The following ACAP1 variants were observed in gnomAD, a reference collection of about 807,000 sequenced individuals.
ACAP1 encodes arf-GAP with coiled-coil, ANK repeat and PH domain-containing protein 1.
In ACAP1, 45 loss-of-function variants were observed where a neutral mutation model predicts 98.8. The observed-to-expected ratio is 0.46, with a 90% CI of 0.36 to 0.58. The LOEUF (loss-of-function observed/expected upper bound fraction) is 0.58. Ranked by LOEUF, ACAP1 falls within the 20% of genes least tolerant of loss-of-function variation. The pLI is 0.00. For missense variants in ACAP1, 735 were observed against 971.4 expected (o/e 0.76, Z 3.24); for synonymous variants, 362 against 375.3 (o/e 0.96, Z 0.41).
In ACAP1 at chr17:7,348,130, A is replaced by C. The variant is rs1249673339; in HGVS notation, c.1417A>C (p.Met473Leu). The C allele has an allele frequency of 1.2e-6, 2 of 1,614,020 alleles. No individual in the cohort carries two copies. The highest frequency in any genetic ancestry group is 8.5e-7 in the Non-Finnish European group (1 of 1,179,934). The change falls in exon 16 of 22, where the codon ATG becomes CTG. Residue 473 changes from methionine (M) to leucine (L), a missense_variant. Coordinates refer to ENST00000158762, the MANE Select transcript of ACAP1 (RefSeq NM_014716.4). ...DSWEPELVKL[M>L]CELGNVIINQ... Reference sequence around the variant, plus strand: ...CCTCTGCCTGGGCCTCCTGAAGCTCATGTGTGAGCTGGGAAATGTCATCAT... The same window carrying C: ...CCTCTGCCTGGGCCTCCTGAAGCTCCTGTGTGAGCTGGGAAATGTCATCAT...
At chr17:7,338,243 A>G (rs1380935946) in intron 2 of ACAP1, among the ~76,000 whole-genome samples, 8 of 151,980 alleles carry the variant, frequency 5.3e-5, no homozygotes, top group Admixed American at 1.3e-4. Context: ...CTCTACAAAT[A>G]ATAATTTTAT....
At position 7,342,434 on chromosome 17, in the gene ACAP1, C is replaced by A. The variant is rs770660851; in HGVS notation, c.304C>A (p.Gln102Lys). The A allele has an allele frequency of 2.6e-5, 42 of 1,614,070 alleles. No individual in the cohort carries two copies. Among genetic ancestry groups the A allele is most frequent in the African/African-American group, 4.0e-5 (3 of 74,926 alleles). The change falls in exon 5 of 22, where the codon CAA (glutamine) becomes AAA (lysine). Residue 102 changes from glutamine to lysine, a missense_variant. Physicochemically the swap from Gln to Lys is moderately conservative, Grantham distance 53. Around this residue, in one of 5 missense-constraint regions of ACAP1, gnomAD observed 430 missense variants for 531.8 expected, o/e 0.81. Transcript: ENST00000158762. ...CCCTCAGGAGCTTCTAGATGCCACC[C>A]AACACACACTGCAGCAGCAGATCCA... ...DSHAELLDAT[Q>K]HTLQQQIQTL...
chr17:7,346,814 C>T lies in ACAP1; in HGVS notation c.1014C>T (p.Cys338=). The part of the protein sequence containing the change: ...CFEVVSTSKS[C]LLQADSERLL... ...CCCTCACCCTCCTACCTAGGTCCTG[C>T]CTCCTCCAGGCTGACTCAGAGCGCC... The change falls in exon 13 of 22, where the codon TGC becomes TGT. Residue 338 remains cysteine (C), a synonymous_variant. Coordinates refer to ENST00000158762, the MANE Select transcript of ACAP1 (RefSeq NM_014716.4). 6.2e-7 allele frequency: 1 copy of T among 1,612,216 alleles called. No homozygotes were observed. The highest frequency in any genetic ancestry group is 8.5e-7 in the Non-Finnish European group (1 of 1,178,584).
rs2073327103 is a variant in ACAP1 at position 7,344,324 on chromosome 17, T to C, written c.744+201T>C. 6.6e-6 allele frequency among the ~76,000 whole-genome samples: 1 copy of C among 152,174 alleles called. No individual in the cohort carries two copies. Among genetic ancestry groups the C allele is most frequent in the African/African-American group, 2.4e-5 (1 of 41,432 alleles). ...TACTCAGGAGGCTGAGGTGGGAGGA[T>C]TGCTTGAGCCCAGGAGTTCAAGACT... On this transcript the variant is annotated intron_variant, in intron 9 of 21. Coordinates refer to ENST00000158762, the MANE Select transcript of ACAP1 (RefSeq NM_014716.4). This position sits in a 1 kb window ranked among gnomAD's most constrained non-coding sequence, Gnocchi z 4.9.
intron 2 of ACAP1, among the ~76,000 whole-genome samples, chr17:7,339,209 G>A (rs926489410): frequency 5.3e-5 from 8 of 152,036 alleles, no homozygotes; most frequent in Non-Finnish European, 7.4e-5. Flanking sequence ...AGAATGGCGC[G>A]AACCCGGGAG....
At chr17:7,348,525 C>T (rs758289494) in intron 17 of ACAP1, 50 bp downstream of exon 17, 16 of 1,437,780 alleles carry the variant, frequency 1.1e-5, no homozygotes, top group African/African-American at 1.4e-5. Flanking sequence ...TGCTCGGCAT[C>T]GTGCCAGGTA....
chr17:7,350,009 C>T lies in ACAP1; in HGVS notation c.1916C>T (p.Ala639Val), dbSNP rs923222627. 7 of 1,613,564 alleles carry T rather than the reference C, an allele frequency of 4.3e-6. No homozygotes were observed. The highest frequency in any genetic ancestry group is 5.9e-6 in the Non-Finnish European group (7 of 1,179,552). ...GCGAACGTGAACCAAGCGGACAGTG[C>T]GGGCCGGGGCCCGCTGCACCACGCA... is the stretch of plus-strand genomic sequence containing the variant. ...NGANVNQADS[A>V]GRGPLHHATI... Residue 639 changes from alanine to valine, a missense_variant, in exon 19 of 22, where the codon GCG (alanine) becomes GTG (valine). Transcript: ENST00000158762. This position sits in a 1 kb window ranked among gnomAD's most constrained non-coding sequence, Gnocchi z 4.6.
intron 18 of ACAP1, chr17:7,349,480 A>C: frequency 3.5e-6 from 1 of 287,708 alleles, no homozygotes; most frequent in East Asian, 7.3e-5. Flanking sequence ...GGTTCACACC[A>C]TTCTCCTGCC....
At chr17:7,346,344 C>T (rs1274314734) in intron 11 of ACAP1, 47 bp from the exon 12 acceptor site, 2 of 1,613,954 alleles carry the variant, frequency 1.2e-6, no homozygotes, top group South Asian at 1.1e-5. Flanking sequence ...AGACTCAGCT[C>T]TTGCCTGCAG....
chr17:7,349,933 T>C lies in ACAP1; in HGVS notation c.1852-12T>C, dbSNP rs747361649. ...GCCACCCTCAACCCCCCTTCTCGAC[T>C]TCTCCATGCAGAATTCTCTTCTGGC... On this transcript the variant is annotated splice_polypyrimidine_tract_variant and intron_variant, in intron 18 of 21. Transcript: ENST00000158762. 2 of 1,589,198 alleles carry C rather than the reference T, an allele frequency of 1.3e-6. No homozygotes were observed. The highest frequency in any genetic ancestry group is 1.7e-6 in the Non-Finnish European group (2 of 1,165,476).
At chr17:7,347,639 G>A in intron 14 of ACAP1, 1 of 564,296 alleles carries the variant, frequency 1.8e-6, no homozygotes, top group Non-Finnish European at 3.2e-6. Flanking sequence ...GGTTGTCCAG[G>A]CCAAAGTGTC....
At position 7,342,467 on chromosome 17, in the gene ACAP1, G is replaced by A. The variant is rs201609564; in HGVS notation, c.337G>A (p.Val113Ile). The A allele has an allele frequency of 4.3e-6, 7 of 1,614,132 alleles. No individual in the cohort carries two copies. The Admixed American group carries it at 1.2e-4, about 27-fold the overall frequency. Residue 113 changes from valine to isoleucine, a missense_variant, in exon 5 of 22, where the codon GTC (valine) becomes ATC (isoleucine). By Grantham distance (29) the Val-to-Ile change is conservative. This residue lies in a region of ACAP1 where 430 missense variants were observed against 531.8 expected (regional missense o/e 0.81). Coordinates refer to ENST00000158762, the MANE Select transcript of ACAP1 (RefSeq NM_014716.4). ...ACTGCAGCAGCAGATCCAGACCCTGGTCAAGGAGTGAGATGGGGCCGGGCG... is the reference window on the plus strand; with the variant it reads ...ACTGCAGCAGCAGATCCAGACCCTGATCAAGGAGTGAGATGGGGCCGGGCG... ...HTLQQQIQTL[V>I]KEGLRGFREA...
chr17:7,342,436 A>G lies in ACAP1; in HGVS notation c.306A>G (p.Gln102=). ...DSHAELLDAT[Q]HTLQQQIQTL... ...CTCAGGAGCTTCTAGATGCCACCCA[A>G]CACACACTGCAGCAGCAGATCCAGA... Residue 102 remains glutamine (Q), a synonymous_variant, in exon 5 of 22, where the codon CAA becomes CAG. Coordinates refer to ENST00000158762, the MANE Select transcript of ACAP1 (RefSeq NM_014716.4). 1.2e-5 allele frequency: 20 copies of G among 1,614,158 alleles called. No homozygotes were observed. Among genetic ancestry groups the G allele is most frequent in the Non-Finnish European group, 1.7e-5 (20 of 1,180,026 alleles).
At chr17:7,351,240 C>A (rs2073406937) in intron 21 of ACAP1, 55 bp from the exon 22 acceptor site, 5 of 1,458,642 alleles carry the variant, frequency 3.4e-6, no homozygotes, top group Admixed American at 1.9e-5. Flanking sequence ...ACCGCCGGAT[C>A]CTGCCCTTCT....
Position 7,347,902 on chromosome 17 carries a change from C to A in ACAP1, c.1344-20C>A, listed in dbSNP as rs1199668570. On this transcript the variant is annotated intron_variant, in intron 14 of 21. Coordinates refer to ENST00000158762, the MANE Select transcript of ACAP1 (RefSeq NM_014716.4). Reference sequence around the variant, plus strand: ...CTGCCCCCCTGCACAGGGCCTGACCCTCCCCCTCTGGCCCTCCAGGAGCCT... The same window carrying A: ...CTGCCCCCCTGCACAGGGCCTGACCATCCCCCTCTGGCCCTCCAGGAGCCT... 6.2e-7 allele frequency: 1 copy of A among 1,611,378 alleles called. No homozygotes were observed. The highest frequency in any genetic ancestry group is 8.5e-7 in the Non-Finnish European group (1 of 1,177,552).
chr17:7,343,754 AGTT>A lies in ACAP1; in HGVS notation c.573+7_573+9del. ...GAAGTTTGACATCATGGAGTTTGTG[AGTT>A]GTGGCGGGGGTGAGGGCAGGGTGGA... On this transcript the variant is annotated splice_donor_5th_base_variant and intron_variant, in intron 7 of 21. Coordinates refer to ENST00000158762, the MANE Select transcript of ACAP1 (RefSeq NM_014716.4). This position sits in a 1 kb window ranked among gnomAD's most constrained non-coding sequence, Gnocchi z 4.9. The A allele has an allele frequency of 1.2e-6, 2 of 1,613,872 alleles. No homozygotes were observed. The highest frequency in any genetic ancestry group is 2.2e-5 in the South Asian group (2 of 91,052).
chr17:7,348,838 C>T, intron 17 of ACAP1, 157 bp from the exon 18 acceptor site: 1 of 699,036 alleles, frequency 1.4e-6, no homozygotes, highest in Non-Finnish European at 2.4e-6. Context: ...CGCATACTTA[C>T]ACATACCCAC....
At position 7,348,395 on chromosome 17, in the gene ACAP1, G is replaced by A. The variant is rs944902011; in HGVS notation, c.1598G>A (p.Arg533Gln). The A allele has an allele frequency of 1.9e-5, 30 of 1,557,264 alleles. No homozygotes were observed. Among genetic ancestry groups the A allele is most frequent in the Middle Eastern group, 1.7e-4 (1 of 5,854 alleles). ...LPEIRGRRGGRGRPRGQPPVP... is the reference protein window; with the variant it reads ...LPEIRGRRGGQGRPRGQPPVP... ...GAGATTCGAGGGCGAAGAGGTGGCCGGGGGCGCCCAAGGGGGCAGCCTCCT... is the reference window on the plus strand; with the variant it reads ...GAGATTCGAGGGCGAAGAGGTGGCCAGGGGCGCCCAAGGGGGCAGCCTCCT... The change falls in exon 17 of 22, where the codon CGG (arginine) becomes CAG (glutamine). Residue 533 changes from arginine (R) to glutamine (Q), a missense_variant. Physicochemically the swap from Arg to Gln is conservative, Grantham distance 43. Around this residue, in one of 5 missense-constraint regions of ACAP1, gnomAD observed 80 missense variants for 64.4 expected, o/e 1.24. Transcript: ENST00000158762.
chr17:7,337,108 C>T (rs911841219), intron 1 of ACAP1, among the ~76,000 whole-genome samples: 22 of 152,302 alleles, frequency 1.4e-4, no homozygotes, highest in African/African-American at 5.3e-4. Flanking sequence ...CATCCACCCT[C>T]CTTCTACCCT....
Sources: allele counts gnomAD v4.1 joint callset (sites outside exome capture counted in the v4.1 genomes callset), GRCh38; gene constraint gnomAD v4.1.1; regional missense constraint gnomAD v4.1.1; non-coding constraint Gnocchi (gnomAD v3.1); transcripts MANE v1.5; gene names NCBI Gene and HGNC (gene_info 2026-07-23, HGNC 2026-07-21).